The following PPM1H variants were observed in gnomAD, a reference collection of about 807,000 sequenced individuals.
PPM1H encodes the protein protein phosphatase, Mg2+/Mn2+ dependent 1H, also known as protein phosphatase 1H.
A neutral mutation model predicts 54.9 loss-of-function variants in PPM1H; 27 were observed. The observed-to-expected ratio is 0.49, with a 90% CI of 0.36 to 0.68. PPM1H has a LOEUF of 0.68. Ranked by LOEUF, PPM1H falls within the 30% of genes least tolerant of loss-of-function variation. PPM1H has a pLI of 0.00. For missense variants in PPM1H, 596 were observed against 667.8 expected (o/e 0.89, Z 1.19); for synonymous variants, 305 against 270.8 (o/e 1.13, Z -1.24).
intron 1 of PPM1H, among the ~76,000 whole-genome samples, chr12:62,930,616 A>G (rs759922187): frequency 1.3e-5 from 2 of 151,984 alleles, no homozygotes; most frequent in Non-Finnish European, 2.9e-5. Flanking sequence ...AAAAAAAGCC[A>G]AAATGGGTTC....
At chr12:62,848,247 CCTAA>C (rs1869047509) in intron 1 of PPM1H, among the ~76,000 whole-genome samples, 1 of 152,106 alleles carries the variant, frequency 6.6e-6, no homozygotes, top group Non-Finnish European at 1.5e-5. Flanking sequence ...CAAAATAGCT[CCTAA>C]CTCATTAATT....
intron 5 of PPM1H, chr12:62,720,723 A>G (rs200660495): frequency 1.8e-5 from 3 of 170,700 alleles, no homozygotes; most frequent in East Asian, 3.1e-4. Flanking sequence ...ATGTAAACAC[A>G]ATGGCTTGAG....
chr12:62,730,826 G>A (rs1295628667), intron 5 of PPM1H, among the ~76,000 whole-genome samples: 1 of 152,208 alleles, frequency 6.6e-6, no homozygotes, highest in Non-Finnish European at 1.5e-5. Flanking sequence ...AACCACTGGT[G>A]ATCACTAACA....
At chr12:62,881,732 A>C (rs566605121) in intron 1 of PPM1H, among the ~76,000 whole-genome samples, 1 of 152,274 alleles carries the variant, frequency 6.6e-6, no homozygotes, top group Non-Finnish European at 1.5e-5. Flanking sequence ...AATCAAGTTG[A>C]TTCCATCTCT....
Position 62,867,564 on chromosome 12 carries a change from A to ATTTTTTTTT in PPM1H, c.246-35294_246-35286dup, listed in dbSNP as rs34772338. Among the ~76,000 whole-genome samples, 58 of 55,374 alleles carry ATTTTTTTTT rather than the reference A, an allele frequency of 1.0e-3. 8 individuals carry two copies. The highest frequency in any genetic ancestry group is 2.6e-3 in the African/African-American group (41 of 15,614). 36.3% of individuals were successfully genotyped at this position (55,374 alleles called of 152,430 possible). The stretch of plus-strand genomic sequence containing the variant: ...TCCTGAAATACATCTTATGAGCACT[A>ATTTTTTTTT]TTTTTTTTTTTTTTTTTTTTTTTTT... On this transcript the variant is annotated intron_variant, in intron 1 of 9. Transcript: ENST00000228705.
chr12:62,843,798 T>C (rs1565806938), intron 1 of PPM1H, among the ~76,000 whole-genome samples: 1 of 152,196 alleles, frequency 6.6e-6, no homozygotes, highest in African/African-American at 2.4e-5. Context: ...TACCCTAGTG[T>C]TAATTAACCT....
chr12:62,728,718 C>A (rs977845755), intron 5 of PPM1H, among the ~76,000 whole-genome samples: 1 of 151,974 alleles, frequency 6.6e-6, no homozygotes, highest in Non-Finnish European at 1.5e-5. Context: ...GGGAGAGTTT[C>A]GAGCACCTCA....
At chr12:62,822,878 A>G (rs2076912850) in intron 2 of PPM1H, among the ~76,000 whole-genome samples, 1 of 152,206 alleles carries the variant, frequency 6.6e-6, no homozygotes, top group African/African-American at 2.4e-5. Context: ...GCAGAAGGCA[A>G]GAAATAACTA....
intron 2 of PPM1H, among the ~76,000 whole-genome samples, chr12:62,817,014 C>T (rs914275063): frequency 2.7e-5 from 4 of 149,710 alleles, no homozygotes; most frequent in African/African-American, 9.8e-5. Flanking sequence ...TAGCTGACAT[C>T]AGCCTCCTCA....
At chr12:62,712,178 CT>C (rs900442279) in intron 6 of PPM1H, among the ~76,000 whole-genome samples, 16 of 152,090 alleles carry the variant, frequency 1.1e-4, no homozygotes, top group African/African-American at 3.9e-4. Context: ...AACACAGGGA[CT>C]TTTCAGGTGC....
rs1184458741 is a variant in PPM1H at position 62,801,830 on chromosome 12, C to T, written c.742G>A (p.Ala248Thr). 1.2e-6 allele frequency: 2 copies of T among 1,613,762 alleles called. No homozygotes were observed. Among genetic ancestry groups the T allele is most frequent in the Admixed American group, 1.7e-5 (1 of 60,002 alleles). ...GGAATACCTACCATTTCCTTGAATG[C>T]ACTTTCAAGCGCTCCGATGACCAGG... The part of the protein sequence containing the change: ...ECLVIGALES[A>T]FKEMDLQIER... Residue 248 changes from alanine to threonine, a missense_variant, in exon 3 of 10, where the codon GCA becomes ACA. Transcript: ENST00000228705.
At chr12:62,800,948 A>G (rs1042720241) in intron 3 of PPM1H, among the ~76,000 whole-genome samples, 6 of 152,206 alleles carry the variant, frequency 3.9e-5, no homozygotes, top group African/African-American at 1.4e-4. Flanking sequence ...TGAACTCCCG[A>G]TCAGACCCAT....
At chr12:62,777,004 T>C (rs574579821) in intron 4 of PPM1H, among the ~76,000 whole-genome samples, 19 of 152,334 alleles carry the variant, frequency 1.2e-4, no homozygotes, top group African/African-American at 4.6e-4. Context: ...ATGAGGGTTA[T>C]ATTTCACAAA....
intron 8 of PPM1H, among the ~76,000 whole-genome samples, chr12:62,668,434 G>A (rs1177566834): frequency 6.6e-6 from 1 of 152,192 alleles, no homozygotes; most frequent in Non-Finnish European, 1.5e-5. Context: ...GGAGTACAGT[G>A]GCGTGATCTC....
intron 2 of PPM1H, among the ~76,000 whole-genome samples, chr12:62,812,450 C>T (rs73130084): frequency 0.066 from 10,037 of 152,244 alleles, 444 homozygotes; most frequent in Middle Eastern, 0.12. Flanking sequence ...CCTGACTTAC[C>T]ATATAATTCA....
intron 1 of PPM1H, among the ~76,000 whole-genome samples, chr12:62,847,781 A>G (rs560198394): frequency 3.3e-4 from 51 of 152,308 alleles, no homozygotes; most frequent in Non-Finnish European, 5.9e-4. Flanking sequence ...ACTTACATAG[A>G]TAACTATTAC....
intron 6 of PPM1H, among the ~76,000 whole-genome samples, chr12:62,713,089 C>A (rs1387341128): frequency 6.6e-6 from 1 of 152,172 alleles, no homozygotes; most frequent in South Asian, 2.1e-4. Context: ...CCCAACCTGG[C>A]AGCTCCAGAC....
At chr12:62,783,903 A>G (rs1303786029) in intron 4 of PPM1H, among the ~76,000 whole-genome samples, 1 of 152,204 alleles carries the variant, frequency 6.6e-6, no homozygotes, top group Non-Finnish European at 1.5e-5. Flanking sequence ...ATGAAATGAA[A>G]TGATCTCTAA....
intron 3 of PPM1H, among the ~76,000 whole-genome samples, chr12:62,797,323 T>C (rs1344736672): frequency 2.6e-5 from 4 of 152,170 alleles, no homozygotes; most frequent in Admixed American, 6.5e-5. Flanking sequence ...GGAACTTTAC[T>C]TTTAGGGATT....
Sources: allele counts gnomAD v4.1 joint callset (sites outside exome capture counted in the v4.1 genomes callset), GRCh38; gene constraint gnomAD v4.1.1; transcripts MANE v1.5; gene names NCBI Gene and HGNC (gene_info 2026-07-23, HGNC 2026-07-21).